Variants in ADK observed in about 807,000 individuals in gnomAD.
ADK encodes the protein adenosine kinase, also known as N6,N6-dimethyladenosine kinase.
ADK carries 24 observed loss-of-function variants against 44.7 expected under a neutral mutation model. The observed-to-expected ratio is 0.54, with a 90% CI of 0.39 to 0.76. The LOEUF is 0.76. ADK is among the 30% of genes least tolerant of loss of function. ADK has a pLI of 0.00. For missense variants in ADK, 321 were observed against 425.1 expected (o/e 0.76, Z 2.15); for synonymous variants, 128 against 142.6 (o/e 0.90, Z 0.73).
At chr10:74,684,301 G>A (rs1855716456) in intron 10 of ADK, among the ~76,000 whole-genome samples, 1 of 152,138 alleles carries the variant, frequency 6.6e-6, no homozygotes, top group Non-Finnish European at 1.5e-5. Context: ...TTAAATATAT[G>A]AATTTAATGG....
chr10:74,646,156 T>C (rs751510828), intron 9 of ADK, among the ~76,000 whole-genome samples: 4 of 152,234 alleles, frequency 2.6e-5, no homozygotes, highest in Non-Finnish European at 4.4e-5. Flanking sequence ...TCACTTATTA[T>C]AGAGTGGTCT....
chr10:74,180,208 T>TATTA (rs1554826125), intron 1 of ADK, among the ~76,000 whole-genome samples: 1 of 96,506 alleles, frequency 1.0e-5, no homozygotes, highest in Non-Finnish European at 2.7e-5. Flanking sequence ...CTCTTTTCTT[T>TATTA]TTATTATTAT....
intron 4 of ADK, among the ~76,000 whole-genome samples, chr10:74,389,744 G>C (rs1267348928): frequency 6.6e-6 from 1 of 152,106 alleles, no homozygotes; most frequent in Non-Finnish European, 1.5e-5. Context: ...ATATTCGATA[G>C]TAAAAGGATA....
intron 9 of ADK, among the ~76,000 whole-genome samples, chr10:74,660,013 A>G (rs1854639406): frequency 6.6e-6 from 1 of 152,220 alleles, no homozygotes; most frequent in African/African-American, 2.4e-5. Context: ...ATCCTTGTCC[A>G]TTTAATCATA....
At chr10:74,380,718 A>C (rs761702004) in intron 4 of ADK, among the ~76,000 whole-genome samples, 2 of 152,176 alleles carry the variant, frequency 1.3e-5, no homozygotes, top group African/African-American at 2.4e-5. Flanking sequence ...AGATCGTGCC[A>C]CTGCACTCCA....
At chr10:74,576,283 T>C (rs1262710313) in intron 7 of ADK, among the ~76,000 whole-genome samples, 2 of 152,136 alleles carry the variant, frequency 1.3e-5, no homozygotes, top group African/African-American at 2.4e-5. Flanking sequence ...AGTCTCATTT[T>C]TCATGTATTA....
intron 9 of ADK, among the ~76,000 whole-genome samples, chr10:74,624,104 C>T (rs568244815): frequency 7.2e-5 from 11 of 152,192 alleles, no homozygotes; most frequent in African/African-American, 2.2e-4. Context: ...ACTGGTTACA[C>T]GTGAAATATT....
intron 4 of ADK, among the ~76,000 whole-genome samples, chr10:74,380,824 T>G (rs1842958001): frequency 6.6e-6 from 1 of 152,182 alleles, no homozygotes; most frequent in African/African-American, 2.4e-5. Context: ...CAGAAAATAA[T>G]TATACTCATA....
intron 9 of ADK, among the ~76,000 whole-genome samples, chr10:74,626,854 A>C (rs1022643377): frequency 1.3e-5 from 2 of 152,196 alleles, no homozygotes; most frequent in Admixed American, 1.3e-4. Context: ...TTCCTGCAAC[A>C]GTTATATGGA....
intron 9 of ADK, among the ~76,000 whole-genome samples, chr10:74,662,096 GTTAATAC>G (rs891485067): frequency 6.6e-6 from 1 of 152,106 alleles, no homozygotes; most frequent in Non-Finnish European, 1.5e-5. Context: ...TTATAACACT[GTTAATAC>G]TTAATCCATA....
Position 74,619,012 on chromosome 10 carries a change from TTGTGTGTGTGTGTGTGTGTG to T in ADK, c.877+18547_877+18566del, listed in dbSNP as rs56168944. Among the ~76,000 whole-genome samples, 723 of 139,472 alleles carry T rather than the reference TTGTGTGTGTGTGTGTGTGTG, an allele frequency of 5.2e-3. 3 individuals carry two copies. Among genetic ancestry groups the T allele is most frequent in the African/African-American group, 0.016 (602 of 36,944 alleles). 91.5% of individuals were successfully genotyped at this position (139,472 alleles called of 152,430 possible). A position where few individuals can be genotyped will look rare whatever the true frequency, so the allele number is the denominator to read the frequency against. On this transcript the variant is annotated intron_variant, in intron 9 of 10. Transcript: ENST00000539909. ...GTATCCCATATGCCTTTTATGCTCT[TTGTGTGTGTGTGTGTGTGTG>T]TGTGTGTGTGTGTGTGTGTGTGTGT...
chr10:74,209,981 T>G (rs1301260576), intron 2 of ADK, among the ~76,000 whole-genome samples: 1 of 151,864 alleles, frequency 6.6e-6, no homozygotes, highest in Admixed American at 6.6e-5. Flanking sequence ...GTAAGAGGAA[T>G]GAGAGAATGA....
intron 6 of ADK, among the ~76,000 whole-genome samples, chr10:74,496,200 G>A (rs1847681019): frequency 6.6e-6 from 1 of 152,140 alleles, no homozygotes; most frequent in Admixed American, 6.5e-5. Flanking sequence ...TCTACCTCCT[G>A]GGCTCAAGCA....
At chr10:74,365,897 T>A (rs1395268165) in intron 4 of ADK, among the ~76,000 whole-genome samples, 1 of 152,250 alleles carries the variant, frequency 6.6e-6, no homozygotes, top group Non-Finnish European at 1.5e-5. Flanking sequence ...TTTTAAATAC[T>A]ATTAATATCT....
At chr10:74,318,081 G>C (rs1341830908) in intron 4 of ADK, among the ~76,000 whole-genome samples, 1 of 151,892 alleles carries the variant, frequency 6.6e-6, no homozygotes, top group South Asian at 2.1e-4. Context: ...TGCCTGGCCT[G>C]TTTCTGTTTT....
chr10:74,620,120 A>G (rs2134024983), intron 9 of ADK, among the ~76,000 whole-genome samples: 1 of 152,338 alleles, frequency 6.6e-6, no homozygotes. Flanking sequence ...TATTGTGAAC[A>G]TTCAATATCC....
chr10:74,280,136 G>GT (rs1241778842), intron 3 of ADK, among the ~76,000 whole-genome samples: 2 of 151,906 alleles, frequency 1.3e-5, no homozygotes, highest in African/African-American at 2.4e-5. Context: ...TGATATCTGT[G>GT]TTTTTTTGTT....
chr10:74,608,055 T>G (rs1221101724), intron 9 of ADK, among the ~76,000 whole-genome samples: 1 of 151,634 alleles, frequency 6.6e-6, no homozygotes, highest in Non-Finnish European at 1.5e-5. Context: ...TCACGAAGTG[T>G]TCGTTCTGTG....
chr10:74,570,716 C>T (rs1222961061), intron 7 of ADK, among the ~76,000 whole-genome samples: 2 of 152,168 alleles, frequency 1.3e-5, no homozygotes, highest in African/African-American at 4.8e-5. Context: ...TCTAGATATA[C>T]AATCATGTCA....
Sources: gnomAD v4.1 joint callset for allele counts (sites outside exome capture counted in the v4.1 genomes callset) on GRCh38, gnomAD v4.1.1 for gene constraint, MANE v1.5 for transcripts, NCBI Gene and HGNC (gene_info 2026-07-23, HGNC 2026-07-21) for gene names.